CPVL: variants seen among roughly 807,000 people sequenced by gnomAD.
CPVL encodes the protein carboxypeptidase vitellogenic like, also known as probable serine carboxypeptidase CPVL.
Under a neutral mutation model 63.7 loss-of-function variants are expected in CPVL, and 51 were observed. The ratio of observed to expected loss-of-function variants is 0.80; its 90% CI spans 0.64 to 1.01. The LOEUF is 1.01. Ranked by LOEUF, CPVL falls within the 50% of genes least tolerant of loss-of-function variation. The pLI, the probability that CPVL is intolerant of heterozygous loss-of-function variation, is 0.00. For missense variants in CPVL, 530 were observed against 573.1 expected (o/e 0.92, Z 0.77); for synonymous variants, 195 against 206.0 (o/e 0.95, Z 0.46).
At chr7:29,096,055 G>T in intron 4 of CPVL, 48 bp downstream of exon 4, 1 of 1,415,616 alleles carries the variant, frequency 7.1e-7, no homozygotes, top group Non-Finnish European at 1.0e-6. Flanking sequence ...GCAGGTATGA[G>T]GCTCAGATGA....
chr7:29,108,779 T>G (rs1787974178), intron 3 of CPVL, among the ~76,000 whole-genome samples: 3 of 152,202 alleles, frequency 2.0e-5, no homozygotes, highest in African/African-American at 7.2e-5. Flanking sequence ...TCAGAGACAC[T>G]AAGAAATTCC....
intron 12 of CPVL, chr7:29,010,241 G>GC (rs1785675524): frequency 6.6e-6 from 1 of 152,088 alleles, no homozygotes; most frequent in South Asian, 2.1e-4. Context: ...ATGCTGGACA[G>GC]CAGAAGAGCA....
chr7:29,082,871 C>A (rs1368607843), intron 7 of CPVL, among the ~76,000 whole-genome samples: 1 of 152,226 alleles, frequency 6.6e-6, no homozygotes, highest in Non-Finnish European at 1.5e-5. Flanking sequence ...TGGTTAACAA[C>A]ATCACCACAT....
At chr7:29,154,523 G>A (rs1335275652) in intron 5 of CPVL, among the ~76,000 whole-genome samples, 1 of 152,140 alleles carries the variant, frequency 6.6e-6, no homozygotes, top group Non-Finnish European at 1.5e-5. Flanking sequence ...GTTCACACCT[G>A]ATCGATATTT....
rs368316362 is a variant in CPVL, at chr7:29,121,173, T to C, written c.-10-102A>G. On this transcript the variant is annotated intron_variant, in intron 1 of 12. Transcript: ENST00000265394. ...ATTTATTCACTTAAAAAAAATATTG[T>C]GTGTAAAGGCCCTCTGCAAGGACCT... is the stretch of plus-strand genomic sequence containing the variant. The C allele has an allele frequency of 1.2e-5, 13 of 1,125,682 alleles. No homozygotes were observed. In the South Asian group the frequency reaches 1.7e-4, roughly 15 times the overall value. 69.7% of individuals were successfully genotyped at this position (1,125,682 alleles called of 1,614,324 possible).
chr7:28,996,641 C>T (rs77215789), intron 12 of CPVL, among the ~76,000 whole-genome samples: 13,305 of 150,304 alleles, frequency 0.089, 638 homozygotes, highest in Middle Eastern at 0.12. Context: ...TCTTTTTTTT[C>T]CTAATATTGG....
chr7:29,091,255 G>C (rs935968332), intron 6 of CPVL, among the ~76,000 whole-genome samples: 1 of 152,186 alleles, frequency 6.6e-6, no homozygotes, highest in Non-Finnish European at 1.5e-5. Flanking sequence ...AACTGTCTTT[G>C]GGGGAGGGGA....
chr7:29,089,977 C>T (rs968899226), intron 6 of CPVL, among the ~76,000 whole-genome samples: 2 of 152,036 alleles, frequency 1.3e-5, no homozygotes, highest in Non-Finnish European at 2.9e-5. Flanking sequence ...ATTCTCCTGC[C>T]TCAGCCTCCC....
chr7:29,138,533 T>A (rs937607360), intron 1 of CPVL, among the ~76,000 whole-genome samples: 2 of 152,294 alleles, frequency 1.3e-5, no homozygotes, highest in Middle Eastern at 3.4e-3. Context: ...GAATCTAGGA[T>A]GATCCCAGAT....
chr7:29,112,966 T>C (rs749492574), intron 2 of CPVL, 144 bp from the exon 3 acceptor site: 53 of 598,686 alleles, frequency 8.9e-5, no homozygotes, highest in Non-Finnish European at 1.5e-4. Flanking sequence ...TTCAGCAAAT[T>C]CCAGCCTGCC....
At chr7:29,119,348 G>A (rs145836380) in intron 2 of CPVL, among the ~76,000 whole-genome samples, 198 of 152,236 alleles carry the variant, frequency 1.3e-3, no homozygotes, top group African/African-American at 4.3e-3. Context: ...TTAGCCGGGC[G>A]TGGTAGCACA....
chr7:29,025,240 T>TTGGCGGTTTAAC (rs1787380287), intron 12 of CPVL, among the ~76,000 whole-genome samples: 1 of 152,168 alleles, frequency 6.6e-6, no homozygotes, highest in Non-Finnish European at 1.5e-5. Flanking sequence ...AGAGGTTTAA[T>TTGGCGGTTTAAC]TGGCTTACAA....
intron 1 of CPVL, among the ~76,000 whole-genome samples, chr7:29,142,318 C>T (rs941186761): frequency 2.6e-5 from 4 of 152,028 alleles, no homozygotes; most frequent in African/African-American, 7.2e-5. Flanking sequence ...TTTCTCTTTC[C>T]GTACATTCCC....
At chr7:29,194,884 A>AGCGGCG in intron 1 of CPVL, 2 of 1,387,600 alleles carry the variant, frequency 1.4e-6, no homozygotes, top group Admixed American at 3.4e-5. Flanking sequence ...GGGCGAGGGC[A>AGCGGCG]GCGGCGGCGG....
At chr7:29,158,638 T>G (rs1322739155) in intron 5 of CPVL, among the ~76,000 whole-genome samples, 1 of 151,670 alleles carries the variant, frequency 6.6e-6, no homozygotes, top group Non-Finnish European at 1.5e-5. Flanking sequence ...AATAGGTGAA[T>G]TATGCATTTC....
chr7:29,135,950 C>G (rs1791178579), intron 1 of CPVL, among the ~76,000 whole-genome samples: 1 of 152,062 alleles, frequency 6.6e-6, no homozygotes, highest in Non-Finnish European at 1.5e-5. Context: ...GTTTGTTTCT[C>G]ATATACCACT....
chr7:29,123,679 G>A (rs1178661672), intron 1 of CPVL, among the ~76,000 whole-genome samples: 3 of 93,148 alleles, frequency 3.2e-5, no homozygotes, highest in African/African-American at 4.0e-5. Flanking sequence ...AAAAATAATG[G>A]AAGAAGCTCT....
At chr7:29,031,748 G>C (rs1035328437) in intron 11 of CPVL, among the ~76,000 whole-genome samples, 3 of 152,006 alleles carry the variant, frequency 2.0e-5, no homozygotes, top group African/African-American at 7.3e-5. Context: ...TAATTGAGTA[G>C]GTAAATGCAC....
chr7:29,163,034 TAATG>T (rs1380285746), intron 5 of CPVL, among the ~76,000 whole-genome samples: 1 of 152,254 alleles, frequency 6.6e-6, no homozygotes, highest in African/African-American at 2.4e-5. Flanking sequence ...CTTGTTTTGA[TAATG>T]AACTATAGTT....
Sources: allele counts gnomAD v4.1 joint callset (sites outside exome capture counted in the v4.1 genomes callset), GRCh38; gene constraint gnomAD v4.1.1; transcripts MANE v1.5; gene names NCBI Gene and HGNC (gene_info 2026-07-23, HGNC 2026-07-21).